The following KLHL3 variants were observed in gnomAD, a reference collection of about 807,000 sequenced individuals.
KLHL3 encodes the protein kelch-like protein 3.
In KLHL3, 19 loss-of-function variants were observed where a neutral mutation model predicts 70.5. The ratio of observed to expected loss-of-function variants is 0.27; its 90% CI spans 0.19 to 0.40. The LOEUF (loss-of-function observed/expected upper bound fraction) is 0.40, where lower values mean the gene tolerates loss of function less well. Ranked by LOEUF, KLHL3 falls within the 10% of genes least tolerant of loss-of-function variation. The probability of loss-of-function intolerance (pLI) is 1.00; values close to 1 mark genes in which losing one functional copy is unlikely to be tolerated. For missense variants in KLHL3, 512 were observed against 771.1 expected (o/e 0.66, Z 3.98); for synonymous variants, 258 against 290.3 (o/e 0.89, Z 1.13).
At chr5:137,680,979 C>A (rs1020472669) in intron 5 of KLHL3, among the ~76,000 whole-genome samples, 1 of 151,902 alleles carries the variant, frequency 6.6e-6, no homozygotes, top group Non-Finnish European at 1.5e-5. Flanking sequence ...TCAAGACTAG[C>A]CTGGTCAATA....
At chr5:137,622,202 C>T (rs1423279078) in intron 14 of KLHL3, 76 bp from the exon 15 acceptor site, 2 of 1,509,544 alleles carry the variant, frequency 1.3e-6, no homozygotes, top group African/African-American at 2.7e-5. Flanking sequence ...TTCATGAATC[C>T]AAGATATCCT....
intron 3 of KLHL3, among the ~76,000 whole-genome samples, chr5:137,700,545 T>C (rs563093346): frequency 2.4e-4 from 36 of 152,210 alleles, no homozygotes; most frequent in Non-Finnish European, 4.4e-4. Context: ...TATTTTTATA[T>C]ATGTGCAAAA....
intron 1 of KLHL3, among the ~76,000 whole-genome samples, chr5:137,733,296 C>A (rs937046582): frequency 1.3e-5 from 2 of 152,204 alleles, no homozygotes; most frequent in Non-Finnish European, 2.9e-5. Context: ...AGGCTGATAT[C>A]CAAAGATGAG....
chr5:137,678,917 A>G lies in KLHL3; in HGVS notation c.527-1263T>C, dbSNP rs537783941. Among the ~76,000 whole-genome samples, 11 of 152,184 alleles carry G rather than the reference A, an allele frequency of 7.2e-5. No homozygotes were observed. In the South Asian group the frequency reaches 2.1e-3, roughly 29 times the overall value. Reference sequence around the variant, plus strand: ...TCTTGAAACTCAGGAATATTTACACATAACAAGACAAATCTGAAAGTCAGT... The same window carrying G: ...TCTTGAAACTCAGGAATATTTACACGTAACAAGACAAATCTGAAAGTCAGT... On this transcript the variant is annotated intron_variant, in intron 5 of 14. Transcript: ENST00000309755.
At chr5:137,678,171 A>G (rs757508121) in intron 5 of KLHL3, among the ~76,000 whole-genome samples, 30 of 152,172 alleles carry the variant, frequency 2.0e-4, no homozygotes, top group Non-Finnish European at 2.9e-4. Context: ...CAAGCCTACT[A>G]TTGTGAGTCT....
intron 1 of KLHL3, among the ~76,000 whole-genome samples, chr5:137,734,991 C>T (rs1202445857): frequency 2.0e-5 from 3 of 152,184 alleles, no homozygotes; most frequent in African/African-American, 7.2e-5. Flanking sequence ...CAAAAGAAAT[C>T]CCTGATGGAG....
At chr5:137,693,861 CTTT>C (rs35666397) in intron 4 of KLHL3, among the ~76,000 whole-genome samples, 1 of 144,082 alleles carries the variant, frequency 6.9e-6, no homozygotes, top group Non-Finnish European at 1.5e-5. Context: ...AAAAAGACTT[CTTT>C]TTTTTTTTTT....
chr5:137,712,434 A>G (rs192185950), intron 2 of KLHL3, among the ~76,000 whole-genome samples: 24 of 152,348 alleles, frequency 1.6e-4, no homozygotes. Flanking sequence ...GTGTATCTTA[A>G]GGCCAGAGAA....
intron 4 of KLHL3, among the ~76,000 whole-genome samples, chr5:137,697,920 T>G (rs1752483024): frequency 6.6e-6 from 1 of 152,228 alleles, no homozygotes; most frequent in Non-Finnish European, 1.5e-5. Context: ...GTTATTCACC[T>G]GTTTGAATTC....
intron 7 of KLHL3, among the ~76,000 whole-genome samples, chr5:137,659,782 G>T (rs1488852474): frequency 6.6e-6 from 1 of 152,182 alleles, no homozygotes; most frequent in Non-Finnish European, 1.5e-5. Context: ...TACTGAATTT[G>T]AATGTAATGA....
chr5:137,627,722 T>C (rs912058286), intron 13 of KLHL3, among the ~76,000 whole-genome samples: 1 of 151,974 alleles, frequency 6.6e-6, no homozygotes, highest in Non-Finnish European at 1.5e-5. Context: ...CCAAGAAATA[T>C]AAACCTAAAT....
chr5:137,622,787 C>A (rs564189482), intron 14 of KLHL3, among the ~76,000 whole-genome samples: 1 of 152,192 alleles, frequency 6.6e-6, no homozygotes, highest in East Asian at 1.9e-4. Flanking sequence ...TATAAATCCA[C>A]GCATGACCCA....
intron 8 of KLHL3, among the ~76,000 whole-genome samples, chr5:137,646,851 C>T (rs568469762): frequency 1.6e-4 from 25 of 152,288 alleles, no homozygotes; most frequent in East Asian, 7.7e-4. Flanking sequence ...CTATCAGTCA[C>T]GTAGGAATCA....
intron 6 of KLHL3, among the ~76,000 whole-genome samples, chr5:137,669,059 A>T (rs80234047): frequency 0.011 from 1,718 of 152,190 alleles, 37 homozygotes; most frequent in African/African-American, 0.039. Flanking sequence ...ATTCACAAGG[A>T]CCCTGTGAAA....
chr5:137,649,910 G>A lies in KLHL3; in HGVS notation c.903+8221C>T, dbSNP rs201838774. Among the ~76,000 whole-genome samples, 32 of 152,258 alleles carry A rather than the reference G, an allele frequency of 2.1e-4. 1 individual carries two copies. In the East Asian group the frequency reaches 4.2e-3, roughly 20 times the overall value. On this transcript the variant is annotated intron_variant, in intron 8 of 14. Coordinates refer to ENST00000309755, the MANE Select transcript of KLHL3 (RefSeq NM_017415.3). Reference sequence around the variant, plus strand: ...CAAGTCCTCACACTGCCACTTAAGCGCTGTAAAACCCTGGGCAAATCACTC... The same window carrying A: ...CAAGTCCTCACACTGCCACTTAAGCACTGTAAAACCCTGGGCAAATCACTC...
chr5:137,686,419 G>A (rs761941282), intron 5 of KLHL3, among the ~76,000 whole-genome samples: 30 of 152,198 alleles, frequency 2.0e-4, no homozygotes, highest in Non-Finnish European at 3.4e-4. Flanking sequence ...GATAGGATGC[G>A]CTACTCCCAT....
intron 10 of KLHL3, among the ~76,000 whole-genome samples, chr5:137,638,275 CA>C (rs1561585852): frequency 2.6e-5 from 4 of 152,254 alleles, no homozygotes; most frequent in Middle Eastern, 3.4e-3. Flanking sequence ...TGTGAAGACA[CA>C]AATAAAAATT....
chr5:137,647,895 G>A (rs1442485475), intron 8 of KLHL3, among the ~76,000 whole-genome samples: 1 of 152,306 alleles, frequency 6.6e-6, no homozygotes, highest in East Asian at 1.9e-4. Flanking sequence ...TAGCTGTGTG[G>A]CTATGAGCAA....
At chr5:137,651,698 G>T (rs1173557955) in intron 8 of KLHL3, among the ~76,000 whole-genome samples, 1 of 152,076 alleles carries the variant, frequency 6.6e-6, no homozygotes, top group Non-Finnish European at 1.5e-5. Context: ...CTTTTTTGTA[G>T]ATAGACAAGT....
Sources: allele counts gnomAD v4.1 joint callset (sites outside exome capture counted in the v4.1 genomes callset), GRCh38; gene constraint gnomAD v4.1.1; transcripts MANE v1.5; gene names NCBI Gene and HGNC (gene_info 2026-07-23, HGNC 2026-07-21).